The following TRIM23 variants were observed in gnomAD, a reference collection of about 807,000 sequenced individuals.
The protein encoded by TRIM23 is E3 ubiquitin-protein ligase TRIM23.
TRIM23 carries 27 observed loss-of-function variants against 71.0 expected under a neutral mutation model. That is an observed-to-expected ratio of 0.38 (90% CI 0.28 to 0.52). The LOEUF (loss-of-function observed/expected upper bound fraction) is 0.52, where lower values mean the gene tolerates loss of function less well. TRIM23 is among the 20% of genes least tolerant of loss of function. TRIM23 has a pLI of 0.84. For synonymous variants in TRIM23, 234 were observed against 238.0 expected, an observed-to-expected ratio of 0.98 and a Z score of 0.16; for missense variants, 482 against 692.3, an observed-to-expected ratio of 0.70 and a Z score of 3.41.
intron 7 of TRIM23, among the ~76,000 whole-genome samples, chr5:65,603,509 T>C (rs946681066): frequency 1.2e-4 from 18 of 152,188 alleles, no homozygotes; most frequent in Admixed American, 5.9e-4. Context: ...AACATATGTC[T>C]CTATACTTTT....
chr5:65,606,691 G>A (rs1290228747), intron 6 of TRIM23, among the ~76,000 whole-genome samples: 1 of 152,064 alleles, frequency 6.6e-6, no homozygotes, highest in Non-Finnish European at 1.5e-5. Flanking sequence ...TCCCAGTTAC[G>A]GCCTGAACGA....
At chr5:65,615,660 CTATTTACA>C (rs1202326020) in intron 2 of TRIM23, among the ~76,000 whole-genome samples, 1 of 152,130 alleles carries the variant, frequency 6.6e-6, no homozygotes, top group Non-Finnish European at 1.5e-5. Flanking sequence ...TGAGTTCTAT[CTATTTACA>C]TAAAGGTTAA....
At chr5:65,595,883 G>A (rs1048812066) in intron 9 of TRIM23, among the ~76,000 whole-genome samples, 1 of 152,180 alleles carries the variant, frequency 6.6e-6, no homozygotes, top group Admixed American at 6.5e-5. Context: ...CTATGAGGCA[G>A]AAGTGTAGAG....
chr5:65,619,902 T>G (rs1754882844), intron 1 of TRIM23, among the ~76,000 whole-genome samples: 1 of 152,010 alleles, frequency 6.6e-6, no homozygotes, highest in South Asian at 2.1e-4. Flanking sequence ...GACAACATGG[T>G]GAAATCCCAT....
In TRIM23 at chr5:65,610,811, T is replaced by G. The variant is rs763420395; in HGVS notation, c.828+50A>C. The G allele has an allele frequency of 1.4e-5, 21 of 1,474,692 alleles. No individual in the cohort carries two copies. The Admixed American group carries it at 4.9e-4, about 34-fold the overall frequency. The allele number at this position is 1,474,692 out of a possible 1,614,324, so 91.4% of individuals were successfully genotyped here. A position where few individuals can be genotyped will look rare whatever the true frequency, so the allele number is the denominator to read the frequency against. On this transcript the variant is annotated intron_variant, in intron 5 of 10. Transcript: ENST00000231524. ...TTAATTACTTAGTAGAAGGTGAAAA[T>G]ATGAAAAATAAAAAAGAATGAGAAA...
chr5:65,591,380 A>G lies in TRIM23; in HGVS notation c.*389T>C. Reference sequence around the variant, plus strand: ...GAAGCAGCTATACTTCACTTGCTTCACACAGAGGTCTCATTAGGCACTCAA... The same window carrying G: ...GAAGCAGCTATACTTCACTTGCTTCGCACAGAGGTCTCATTAGGCACTCAA... On this transcript the variant is annotated 3_prime_UTR_variant, in exon 11 of 11. Transcript: ENST00000231524. 6.5e-7 allele frequency: 1 copy of G among 1,548,270 alleles called. No homozygotes were observed. The highest frequency in any genetic ancestry group is 1.3e-5 in the South Asian group (1 of 79,822).
intron 6 of TRIM23, among the ~76,000 whole-genome samples, chr5:65,608,499 G>C (rs1754563592): frequency 6.6e-6 from 1 of 152,140 alleles, no homozygotes; most frequent in South Asian, 2.1e-4. Context: ...CTCTACAATG[G>C]TACAAGGCTT....
chr5:65,614,346 T>C lies in TRIM23; in HGVS notation c.245-127A>G, dbSNP rs541691358. The C allele has an allele frequency of 1.9e-5, 17 of 913,272 alleles. No individual in the cohort carries two copies. In the African/African-American group the frequency reaches 2.4e-4, roughly 13 times the overall value. 56.6% of individuals were successfully genotyped at this position (913,272 alleles called of 1,614,324 possible). A position where few individuals can be genotyped will look rare whatever the true frequency, so the allele number is the denominator to read the frequency against. ...GTCTAAATTTTTAAAATTCAAATTT[T>C]CCCCATTTTTAATACCAAAATAATT... On this transcript the variant is annotated intron_variant, in intron 2 of 10. Transcript: ENST00000231524.
At position 65,611,784 on chromosome 5, in the gene TRIM23, T is replaced by C; in HGVS notation, c.464A>G (p.His155Arg). The change falls in exon 4 of 11, where the codon CAT becomes CGT. Residue 155 changes from histidine to arginine, a missense_variant. Physicochemically the swap from His to Arg is conservative, Grantham distance 29. Transcript: ENST00000231524. ...HLCSECSQVTHSTKTLAKHRR... is the reference protein window; with the variant it reads ...HLCSECSQVTRSTKTLAKHRR... ...GTGCTTTGCTAATGTCTTTGTAGAA[T>C]GAGTAACTTGAGAACACTCAGAGCA... is the stretch of plus-strand genomic sequence containing the variant. The C allele has an allele frequency of 6.2e-7, 1 of 1,614,190 alleles. No homozygotes were observed. Among genetic ancestry groups the C allele is most frequent in the Non-Finnish European group, 8.5e-7 (1 of 1,180,044 alleles).
chr5:65,610,729 G>C lies in TRIM23; in HGVS notation c.828+132C>G, dbSNP rs527725235. On this transcript the variant is annotated intron_variant, in intron 5 of 10. Transcript: ENST00000231524. ...TGATGAATGAGTTCCTGAAAGACAG[G>C]GACTTTTAAAAAACTTTCTAATGAT... 27 of 651,732 alleles carry C rather than the reference G, an allele frequency of 4.1e-5. No individual in the cohort carries two copies. In the South Asian group the frequency reaches 6.5e-4, roughly 16 times the overall value. 40.4% of individuals were successfully genotyped at this position (651,732 alleles called of 1,614,324 possible).
At chr5:65,602,846 C>T (rs536122910) in intron 7 of TRIM23, among the ~76,000 whole-genome samples, 5 of 152,254 alleles carry the variant, frequency 3.3e-5, no homozygotes, top group African/African-American at 7.2e-5. Context: ...TGGGACAGAC[C>T]GGCCCCCATT....
At position 65,594,578 on chromosome 5, in the gene TRIM23, C is replaced by A. The variant is rs1313814664; in HGVS notation, c.1488G>T (p.Lys496Asn). 6.2e-7 allele frequency: 1 copy of A among 1,612,438 alleles called. No homozygotes were observed. Among genetic ancestry groups the A allele is most frequent in the African/African-American group, 1.3e-5 (1 of 74,900 alleles). Residue 496 changes from lysine to asparagine, a missense_variant, in exon 10 of 11, where the codon AAG becomes AAT. This residue lies in a region of TRIM23 where 307 missense variants were observed against 495.8 expected (regional missense o/e 0.62). Coordinates refer to ENST00000231524, the MANE Select transcript of TRIM23 (RefSeq NM_001656.4). The stretch of plus-strand genomic sequence containing the variant: ...CTCGGAGTTCTTTTTCCGTTAACAA[C>A]TTTGCAAGTTCGCTGTGTGCTTCAC... ...RISEAHSELA[K>N]LLTEKELRDA...
At chr5:65,606,251 C>T (rs1029267540) in intron 6 of TRIM23, among the ~76,000 whole-genome samples, 7 of 152,090 alleles carry the variant, frequency 4.6e-5, no homozygotes, top group Non-Finnish European at 5.9e-5. Flanking sequence ...TTAGACCAGT[C>T]TGGGCAACAT....
At chr5:65,613,929 T>C (rs1754716718) in intron 3 of TRIM23, 169 bp downstream of exon 3, 11 of 1,508,002 alleles carry the variant, frequency 7.3e-6, no homozygotes, top group Non-Finnish European at 8.9e-6. Flanking sequence ...ATAATTCTAG[T>C]TTTTTCTCTT....
In TRIM23 at chr5:65,594,611, G is replaced by A; in HGVS notation, c.1455C>T (p.Asp485=). The A allele has an allele frequency of 6.2e-7, 1 of 1,609,820 alleles. No homozygotes were observed. Among genetic ancestry groups the A allele is most frequent in the Non-Finnish European group, 8.5e-7 (1 of 1,178,450 alleles). ...VVFVVDSSHR[D]RISEAHSELA... ...GTTCGCTGTGTGCTTCACTAATTCT[G>A]TCTCTATGACTGCTATCTACAACAA... Residue 485 remains aspartate, a synonymous_variant, in exon 10 of 11, where the codon GAC becomes GAT. Coordinates refer to ENST00000231524, the MANE Select transcript of TRIM23 (RefSeq NM_001656.4).
Position 65,624,233 on chromosome 5 carries a change from G to A in TRIM23, c.42C>T (p.Asp14=). Residue 14 remains aspartate (D), a synonymous_variant, in exon 1 of 11, where the codon GAC becomes GAT. Coordinates refer to ENST00000231524, the MANE Select transcript of TRIM23 (RefSeq NM_001656.4). ...LVVNKLGAGV[D]SGRQGSRGTA... is the part of the protein sequence containing the mutation. Reference sequence around the variant, plus strand: ...TCCCCCGGCTGCCCTGCCGGCCACTGTCTACTCCCGCTCCGAGCTTGTTTA... The same window carrying A: ...TCCCCCGGCTGCCCTGCCGGCCACTATCTACTCCCGCTCCGAGCTTGTTTA... 6.2e-7 allele frequency: 1 copy of A among 1,614,210 alleles called. No homozygotes were observed. Among genetic ancestry groups the A allele is most frequent in the Non-Finnish European group, 8.5e-7 (1 of 1,180,044 alleles).
chr5:65,594,488 T>C (rs1445643655), intron 10 of TRIM23, 33 bp downstream of exon 10: 10 of 1,590,928 alleles, frequency 6.3e-6, no homozygotes, highest in African/African-American at 1.4e-5. Flanking sequence ...ACAAAACTAC[T>C]AAAATAAATA....
intron 6 of TRIM23, among the ~76,000 whole-genome samples, chr5:65,606,465 G>A (rs75619786): frequency 0.079 from 10,448 of 131,644 alleles, 400 homozygotes; most frequent in East Asian, 0.096. Context: ...TCCCGCCCCC[G>A]GCCAAAAAAA....
chr5:65,591,645 T>TCATATATATATA lies in TRIM23; in HGVS notation c.*123_*124insTATATATATATG. The stretch of plus-strand genomic sequence containing the variant: ...ACTGAATTCCCAATCCAAGATTCCT[T>TCATATATATATA]TATATATATATATATATATATGCAT... On this transcript the variant is annotated 3_prime_UTR_variant, in exon 11 of 11. Transcript: ENST00000231524. 1 of 714,510 alleles carries TCATATATATATA rather than the reference T, an allele frequency of 1.4e-6. No individual in the cohort carries two copies. The highest frequency in any genetic ancestry group is 1.9e-6 in the Non-Finnish European group (1 of 534,390). The allele number at this position is 714,510 out of a possible 1,614,324, so 44.3% of individuals were successfully genotyped here.
Sources: gnomAD v4.1 joint callset for allele counts (sites outside exome capture counted in the v4.1 genomes callset) on GRCh38, gnomAD v4.1.1 for gene constraint, gnomAD v4.1.1 regional missense constraint, MANE v1.5 for transcripts, NCBI Gene and HGNC (gene_info 2026-07-23, HGNC 2026-07-21) for gene names.